The following TUSC3 variants were observed in gnomAD, a reference collection of about 807,000 sequenced individuals.
TUSC3 encodes tumor suppressor candidate 3.
Under a neutral mutation model 44.8 loss-of-function variants are expected in TUSC3, and 45 were observed. That is an observed-to-expected ratio of 1.00 (90% CI 0.79 to 1.29). The LOEUF (loss-of-function observed/expected upper bound fraction) is 1.29, where lower values mean the gene tolerates loss of function less well. TUSC3 is among the 50% of genes most tolerant of loss of function. TUSC3 has a pLI of 0.00. For missense variants in TUSC3, 519 were observed against 437.9 expected (o/e 1.19, Z -1.65); for synonymous variants, 212 against 152.9 (o/e 1.39, Z -2.85).
chr8:15,480,380 C>T (rs1353319), intron 1 of TUSC3, among the ~76,000 whole-genome samples: 19,891 of 152,128 alleles, frequency 0.13, 1,709 homozygotes, highest in East Asian at 0.34. Context: ...ATATGCTATA[C>T]TTGACTTTTC....
chr8:15,657,687 C>A (rs1485462245), intron 3 of TUSC3, among the ~76,000 whole-genome samples: 3 of 152,142 alleles, frequency 2.0e-5, no homozygotes, highest in African/African-American at 7.2e-5. Flanking sequence ...GTATGCTCTT[C>A]CAGATTCTTT....
At chr8:15,631,668 TTGTGTGTGTGTGTGTGTG>T (rs147004169) in intron 2 of TUSC3, among the ~76,000 whole-genome samples, 3 of 145,210 alleles carry the variant, frequency 2.1e-5, no homozygotes, top group East Asian at 4.1e-4. Flanking sequence ...TTTAAGGCTG[TTGTGTGTGTGTGTGTGTG>T]TGTGTGTGTG....
the TUSC3 span, among the ~76,000 whole-genome samples, chr8:15,850,868 G>A: frequency 1.1e-4 from 16 of 152,170 alleles, no homozygotes; most frequent in Non-Finnish European, 4.4e-5. Context: ...GCTTCTATGA[G>A]TTGAAACCTC....
intron 2 of TUSC3, among the ~76,000 whole-genome samples, chr8:15,642,493 A>C (rs1806418084): frequency 6.6e-6 from 1 of 152,226 alleles, no homozygotes; most frequent in South Asian, 2.1e-4. Context: ...TAGAAAAGAC[A>C]TAATCTCCAT....
intron 2 of TUSC3, among the ~76,000 whole-genome samples, chr8:15,500,430 G>T (rs554126620): frequency 2.5e-4 from 38 of 152,104 alleles, no homozygotes; most frequent in Admixed American, 2.2e-3. Flanking sequence ...AATCACCATT[G>T]GGATTTTTTA....
intron 2 of TUSC3, among the ~76,000 whole-genome samples, chr8:15,513,167 G>T (rs775599896): frequency 6.6e-6 from 1 of 151,490 alleles, no homozygotes; most frequent in Admixed American, 6.6e-5. Context: ...ACAAAAAATT[G>T]ATTATGATAA....
chr8:15,785,634 C>G, the TUSC3 span, among the ~76,000 whole-genome samples: 1 of 152,012 alleles, frequency 6.6e-6, no homozygotes, highest in Non-Finnish European at 1.5e-5. Flanking sequence ...CCTCTCCACT[C>G]CCTTACCTCC....
chr8:15,664,573 A>C (rs1807573941), intron 5 of TUSC3, among the ~76,000 whole-genome samples: 1 of 149,504 alleles, frequency 6.7e-6, no homozygotes, highest in Non-Finnish European at 1.5e-5. Flanking sequence ...CCTGCTCCCC[A>C]ATCACAGCCT....
chr8:15,577,407 TA>T (rs565890994), intron 1 of TUSC3, among the ~76,000 whole-genome samples: 10 of 151,758 alleles, frequency 6.6e-5, no homozygotes, highest in African/African-American at 1.9e-4. Context: ...TCCTGAATGG[TA>T]AATGCCTAGG....
intron 6 of TUSC3, among the ~76,000 whole-genome samples, chr8:15,704,181 G>T (rs910449256): frequency 6.6e-6 from 1 of 151,468 alleles, no homozygotes; most frequent in Non-Finnish European, 1.5e-5. Context: ...TGAAGGAAAT[G>T]AGAGAGTGAT....
At chr8:15,634,411 C>G (rs1322844018) in intron 2 of TUSC3, among the ~76,000 whole-genome samples, 5 of 152,218 alleles carry the variant, frequency 3.3e-5, no homozygotes, top group African/African-American at 9.6e-5. Context: ...CAGGCCATCC[C>G]TTGTTCTCTC....
the TUSC3 span, among the ~76,000 whole-genome samples, chr8:15,817,704 T>C: frequency 0.011 from 1,679 of 152,308 alleles, 28 homozygotes; most frequent in East Asian, 0.075. Flanking sequence ...CCAAGCCCTG[T>C]AGAACTGTGA....
the TUSC3 span, chr8:15,807,303 C>A: frequency 2.0e-6 from 1 of 507,194 alleles, no homozygotes; most frequent in East Asian, 3.8e-5. Context: ...TCCTGTAGGT[C>A]TCTATTAAAA....
chr8:15,615,348 A>C (rs1213909580), intron 1 of TUSC3, among the ~76,000 whole-genome samples: 1 of 152,236 alleles, frequency 6.6e-6, no homozygotes, highest in African/African-American at 2.4e-5. Flanking sequence ...TAAATGAAGT[A>C]AGTCAGGCAC....
chr8:15,571,149 T>C (rs1342389247), intron 1 of TUSC3, among the ~76,000 whole-genome samples: 2 of 151,858 alleles, frequency 1.3e-5, no homozygotes, highest in Admixed American at 1.3e-4. Context: ...AGATGGGGTT[T>C]CACCCTGTTG....
chr8:15,500,864 A>G (rs1373489847), intron 2 of TUSC3, among the ~76,000 whole-genome samples: 2 of 152,180 alleles, frequency 1.3e-5, no homozygotes, highest in African/African-American at 2.4e-5. Flanking sequence ...TCTTTCTTTC[A>G]ACTGGTCACT....
intron 1 of TUSC3, among the ~76,000 whole-genome samples, chr8:15,556,972 G>T (rs1802292362): frequency 1.3e-5 from 2 of 149,648 alleles, no homozygotes; most frequent in African/African-American, 4.9e-5. Flanking sequence ...CACTCTGATG[G>T]TAATTTCTTT....
At chr8:15,586,615 C>A (rs577534003) in intron 1 of TUSC3, among the ~76,000 whole-genome samples, 1 of 152,070 alleles carries the variant, frequency 6.6e-6, no homozygotes, top group Admixed American at 6.5e-5. Context: ...GAATGCAAAT[C>A]ATTTGGAGTG....
At chr8:15,785,369 T>C in the TUSC3 span, among the ~76,000 whole-genome samples, 299 of 152,268 alleles carry the variant, frequency 2.0e-3, 1 homozygote, top group Non-Finnish European at 2.9e-3. Context: ...GTTCCTTTGC[T>C]TTTAGGTCTT....
Sources: allele counts gnomAD v4.1 joint callset (sites outside exome capture counted in the v4.1 genomes callset), GRCh38; gene constraint gnomAD v4.1.1; transcripts MANE v1.5; gene names NCBI Gene and HGNC (gene_info 2026-07-23, HGNC 2026-07-21).